SGCG: variants seen among roughly 807,000 people sequenced by gnomAD.
SGCG encodes sarcoglycan gamma.
A neutral mutation model predicts 29.3 loss-of-function variants in SGCG; 26 were observed. That is an observed-to-expected ratio of 0.89 (90% CI 0.65 to 1.23). The LOEUF is 1.23. Among genes scored for constraint, SGCG ranks in the 50% most tolerant of loss-of-function variants. The pLI is 0.00. For synonymous variants in SGCG, 145 were observed against 129.7 expected (o/e 1.12, Z -0.80); for missense variants, 353 against 356.0 (o/e 0.99, Z 0.07).
At chr13:23,241,562 T>A (rs1566013634) in intron 3 of SGCG, among the ~76,000 whole-genome samples, 1 of 152,162 alleles carries the variant, frequency 6.6e-6, no homozygotes, top group Non-Finnish European at 1.5e-5. Context: ...TTAATACCAG[T>A]CCTTCTCAAA....
upstream of SGCG, among the ~76,000 whole-genome samples, chr13:23,177,782 T>C (rs1876607528): frequency 6.6e-6 from 1 of 151,946 alleles, no homozygotes; most frequent in African/African-American, 2.4e-5. Context: ...TTTCATCACG[T>C]TGGCCAGGCT....
chr13:23,262,702 C>G (rs190489443), intron 4 of SGCG, among the ~76,000 whole-genome samples: 22 of 151,978 alleles, frequency 1.4e-4, no homozygotes, highest in Non-Finnish European at 1.2e-4. Flanking sequence ...TGCAGAATAT[C>G]CATTCTTCCC....
chr13:23,161,983 G>C, the SGCG span, among the ~76,000 whole-genome samples: 1 of 152,192 alleles, frequency 6.6e-6, no homozygotes, highest in African/African-American at 2.4e-5. Flanking sequence ...AAAAAAGGTA[G>C]TGATAAATAG....
chr13:23,211,270 G>A (rs905685957), intron 2 of SGCG, among the ~76,000 whole-genome samples: 1 of 152,146 alleles, frequency 6.6e-6, no homozygotes, highest in Non-Finnish European at 1.5e-5. Context: ...TGGGGAAGGA[G>A]GAGAGGAGCC....
At chr13:23,262,494 TTAGA>T (rs975701085) in intron 4 of SGCG, among the ~76,000 whole-genome samples, 8 of 151,768 alleles carry the variant, frequency 5.3e-5, no homozygotes, top group African/African-American at 1.9e-4. Context: ...TCCAGAGCTC[TTAGA>T]TAGATAATAA....
chr13:23,167,980 G>A, the SGCG span, among the ~76,000 whole-genome samples: 1 of 152,098 alleles, frequency 6.6e-6, no homozygotes, highest in Admixed American at 6.5e-5. Flanking sequence ...CAGATGATCC[G>A]TGTGCCTCGA....
At chr13:23,193,639 G>C (rs1256028576) in intron 1 of SGCG, among the ~76,000 whole-genome samples, 1 of 152,134 alleles carries the variant, frequency 6.6e-6, no homozygotes, top group Non-Finnish European at 1.5e-5. Flanking sequence ...GAGGTGAGGA[G>C]AAAGTTATTG....
intron 2 of SGCG, among the ~76,000 whole-genome samples, chr13:23,234,304 A>AT (rs1358395155): frequency 6.6e-6 from 1 of 152,076 alleles, no homozygotes; most frequent in Admixed American, 6.5e-5. Context: ...AATTAATTTT[A>AT]TTGTACCTTA....
At chr13:23,307,363 T>G (rs1386381321) in intron 6 of SGCG, among the ~76,000 whole-genome samples, 1 of 152,208 alleles carries the variant, frequency 6.6e-6, no homozygotes. Context: ...ACCTCAGATA[T>G]TAGTAGTCTT....
chr13:23,305,342 T>C (rs751289077), intron 6 of SGCG, among the ~76,000 whole-genome samples: 10 of 152,240 alleles, frequency 6.6e-5, no homozygotes, highest in Non-Finnish European at 1.3e-4. Flanking sequence ...CTGTTTTAGA[T>C]ATGAAGGCTA....
chr13:23,187,808 T>C, intron 1 of SGCG, among the ~76,000 whole-genome samples: 1 of 140,154 alleles, frequency 7.1e-6, no homozygotes, highest in Non-Finnish European at 1.6e-5. Flanking sequence ...GGGATTATGC[T>C]GTCCCATGAC....
At chr13:23,223,706 G>A (rs1473183877) in intron 2 of SGCG, among the ~76,000 whole-genome samples, 1 of 152,156 alleles carries the variant, frequency 6.6e-6, no homozygotes. Flanking sequence ...GCTCATGCCT[G>A]TAATCCCAGC....
intron 5 of SGCG, among the ~76,000 whole-genome samples, chr13:23,283,509 T>C (rs1264666734): frequency 1.3e-5 from 2 of 152,198 alleles, no homozygotes; most frequent in East Asian, 3.8e-4. Flanking sequence ...CCTATGTGTG[T>C]TTCTGTACAT....
At chr13:23,303,536 C>T (rs1225239601) in intron 6 of SGCG, among the ~76,000 whole-genome samples, 2 of 152,110 alleles carry the variant, frequency 1.3e-5, no homozygotes, top group East Asian at 3.9e-4. Context: ...GAAAGAGATC[C>T]GAGAGTGGGG....
At chr13:23,257,706 C>T (rs1880253952) in intron 4 of SGCG, among the ~76,000 whole-genome samples, 1 of 152,134 alleles carries the variant, frequency 6.6e-6, no homozygotes, top group South Asian at 2.1e-4. Flanking sequence ...TTTAACCCAT[C>T]TTGAATTAAT....
intron 1 of SGCG, among the ~76,000 whole-genome samples, chr13:23,203,240 T>A (rs1348540587): frequency 6.6e-6 from 1 of 152,228 alleles, no homozygotes; most frequent in Non-Finnish European, 1.5e-5. Context: ...ATTACAGGCG[T>A]GAGCCACTGC....
chr13:23,250,815 T>C (rs1161548706), intron 4 of SGCG, 98 bp downstream of exon 4: 4 of 778,754 alleles, frequency 5.1e-6, no homozygotes, highest in East Asian at 2.6e-5. Flanking sequence ...CAAAGCTACT[T>C]ATGAACAAAA....
intron 6 of SGCG, among the ~76,000 whole-genome samples, chr13:23,308,862 A>G (rs1882452054): frequency 6.6e-6 from 1 of 152,114 alleles, no homozygotes; most frequent in African/African-American, 2.4e-5. Flanking sequence ...CCATGCCTGG[A>G]CTGTTTTTCA....
intron 5 of SGCG, among the ~76,000 whole-genome samples, chr13:23,293,145 C>G (rs1195564033): frequency 1.3e-5 from 2 of 152,134 alleles, no homozygotes; most frequent in East Asian, 3.8e-4. Flanking sequence ...TCTCCATTAT[C>G]GTTTAGGTTT....
Sources: allele counts gnomAD v4.1 joint callset (sites outside exome capture counted in the v4.1 genomes callset), GRCh38; gene constraint gnomAD v4.1.1; transcripts MANE v1.5; gene names NCBI Gene and HGNC (gene_info 2026-07-23, HGNC 2026-07-21).